Variants in VGLL4 observed in about 807,000 individuals in gnomAD.
VGLL4 encodes the protein transcription cofactor vestigial-like protein 4.
Under a neutral mutation model 21.0 loss-of-function variants are expected in VGLL4, and 7 were observed. The observed-to-expected ratio is 0.33, with a 90% CI of 0.19 to 0.63. The LOEUF is 0.63. Ranked by LOEUF, VGLL4 falls within the 20% of genes least tolerant of loss-of-function variation. VGLL4 has a pLI of 0.78. For synonymous variants in VGLL4, 222 were observed against 173.2 expected, an observed-to-expected ratio of 1.28 and a Z score of -2.21; for missense variants, 394 against 425.7, an observed-to-expected ratio of 0.93 and a Z score of 0.66.
rs1023512538 is a variant in VGLL4 at position 11,556,508 on chromosome 3, C to T, written c.*2048G>A. On this transcript the variant is annotated 3_prime_UTR_variant, in exon 5 of 5. Coordinates refer to ENST00000430365, the MANE Select transcript of VGLL4 (RefSeq NM_001128219.3). ...GTTTTCCTGTTACGACGCTCAGTAG[C>T]CTGTAGCAATAACAAACTCGTGGCT... 1 of 152,666 alleles carries T rather than the reference C, an allele frequency of 6.6e-6. No homozygotes were observed. Among genetic ancestry groups the T allele is most frequent in the South Asian group, 2.1e-4 (1 of 4,824 alleles). 9.5% of individuals were successfully genotyped at this position (152,666 alleles called of 1,614,324 possible).
chr3:11,624,432 C>T (rs1639983683), intron 1 of VGLL4, among the ~76,000 whole-genome samples: 1 of 152,192 alleles, frequency 6.6e-6, no homozygotes, highest in African/African-American at 2.4e-5. Flanking sequence ...TTAGGCCGTC[C>T]TGGTTACCTC....
intron 2 of VGLL4, among the ~76,000 whole-genome samples, chr3:11,590,897 A>G (rs2074479087): frequency 6.6e-6 from 1 of 152,184 alleles, no homozygotes; most frequent in Admixed American, 6.5e-5. Flanking sequence ...CAATAGCCAC[A>G]CCTAGCCAAA....
chr3:11,601,876 T>G lies in VGLL4; in HGVS notation c.229A>C (p.Asn77His), dbSNP rs2074806903. ...EPGDEDLDCD[N>H]DHVSKMSRIF... ...CGACTCATTTTGGAGACGTGGTCGT[T>G]GTCACAGTCTAGGTCCTCGTCACCT... The change falls in exon 2 of 5, where the codon AAC (asparagine) becomes CAC (histidine). Residue 77 changes from asparagine (N) to histidine (H), a missense_variant. Asn to His is a moderately conservative substitution (Grantham distance 68). Transcript: ENST00000430365. 3 of 1,613,734 alleles carry G rather than the reference T, an allele frequency of 1.9e-6. No homozygotes were observed. The highest frequency in any genetic ancestry group is 2.5e-6 in the Non-Finnish European group (3 of 1,179,878).
At chr3:11,604,097 G>C (rs1463435057) in intron 1 of VGLL4, among the ~76,000 whole-genome samples, 1 of 152,142 alleles carries the variant, frequency 6.6e-6, no homozygotes, top group East Asian at 1.9e-4. Flanking sequence ...TAACCCACGG[G>C]TGGGGGTGGG....
upstream of VGLL4, among the ~76,000 whole-genome samples, chr3:11,647,444 G>C (rs1030852483): frequency 6.6e-5 from 10 of 152,094 alleles, no homozygotes; most frequent in African/African-American, 2.4e-4. Context: ...AGGGTAAGTA[G>C]TCCTTATCCA....
chr3:11,654,492 G>A (rs908745190), intron 2 of VGLL4, among the ~76,000 whole-genome samples: 1 of 152,174 alleles, frequency 6.6e-6, no homozygotes, highest in Non-Finnish European at 1.5e-5. Flanking sequence ...CTAAAAATAA[G>A]GGGAGTTTTT....
chr3:11,665,137 G>A (rs1324292565), intron 2 of VGLL4, among the ~76,000 whole-genome samples: 5 of 104,550 alleles, frequency 4.8e-5, no homozygotes, highest in East Asian at 2.7e-4. Flanking sequence ...TTTTTGAGAC[G>A]GAGTCTCGCT....
chr3:11,646,152 T>C (rs1300557596), upstream of VGLL4, among the ~76,000 whole-genome samples: 3 of 152,202 alleles, frequency 2.0e-5, no homozygotes, highest in African/African-American at 4.8e-5. Context: ...TAATAAGCTA[T>C]AGTGAAAGAT....
chr3:11,698,715 G>A (rs2076638717), intron 2 of VGLL4, among the ~76,000 whole-genome samples: 1 of 152,092 alleles, frequency 6.6e-6, no homozygotes, highest in East Asian at 1.9e-4. Context: ...TCCCTTCCAG[G>A]CCATCCAGAT....
In VGLL4 at chr3:11,643,486, A is replaced by G; in HGVS notation, c.33T>C (p.Tyr11=). 6.2e-7 allele frequency: 1 copy of G among 1,613,988 alleles called. No homozygotes were observed. The highest frequency in any genetic ancestry group is 8.5e-7 in the Non-Finnish European group (1 of 1,179,892). Residue 11 remains tyrosine, a synonymous_variant, in exon 1 of 5, where the codon TAT becomes TAC. Transcript: ENST00000430365. The part of the protein sequence containing the change: MLFMKMDLLN[Y]QYLDKMNNNI... ...TGTTGTTCATCTTGTCCAAGTACTGATAGTTCAACAGGTCCATCTTCATAA... is the reference window on the plus strand; with the variant it reads ...TGTTGTTCATCTTGTCCAAGTACTGGTAGTTCAACAGGTCCATCTTCATAA...
At chr3:11,687,729 T>A (rs1479934646) in intron 2 of VGLL4, among the ~76,000 whole-genome samples, 1 of 152,106 alleles carries the variant, frequency 6.6e-6, no homozygotes, top group Non-Finnish European at 1.5e-5. Flanking sequence ...TCCTAGGAGG[T>A]TTTCCCCCAT....
chr3:11,638,696 G>A (rs931684901), intron 1 of VGLL4, among the ~76,000 whole-genome samples: 4 of 152,126 alleles, frequency 2.6e-5, no homozygotes, highest in Admixed American at 2.6e-4. Context: ...GCAGGGCTGG[G>A]GACCAGGAGA....
chr3:11,641,856 C>CG (rs1436861077), intron 1 of VGLL4, among the ~76,000 whole-genome samples: 4 of 152,078 alleles, frequency 2.6e-5, no homozygotes, highest in African/African-American at 9.7e-5. Context: ...CCTCACCAAT[C>CG]GGAGACAGGA....
At chr3:11,559,847 C>T (rs867526797) in intron 3 of VGLL4, among the ~76,000 whole-genome samples, 6 of 152,160 alleles carry the variant, frequency 3.9e-5, no homozygotes, top group African/African-American at 1.4e-4. Flanking sequence ...TCCACTGAGC[C>T]GCGGGTGTGC....
intron 3 of VGLL4, among the ~76,000 whole-genome samples, 164 bp from the exon 4 acceptor site, chr3:11,559,619 C>T (rs2072781659): frequency 6.6e-6 from 1 of 152,248 alleles, no homozygotes; most frequent in Non-Finnish European, 1.5e-5. Flanking sequence ...CACAGCCAAT[C>T]CACAGAGTGA....
chr3:11,663,954 T>C (rs948927163), intron 2 of VGLL4, among the ~76,000 whole-genome samples: 1 of 151,968 alleles, frequency 6.6e-6, no homozygotes, highest in East Asian at 1.9e-4. Flanking sequence ...TACAATGTAA[T>C]GTAAAAAGAA....
intron 1 of VGLL4, among the ~76,000 whole-genome samples, 197 bp downstream of exon 1, chr3:11,643,240 T>C (rs2075730271): frequency 6.6e-6 from 1 of 152,068 alleles, no homozygotes; most frequent in Non-Finnish European, 1.5e-5. Flanking sequence ...TGCCTCCCCG[T>C]CCAGCCCCCT....
intron 2 of VGLL4, among the ~76,000 whole-genome samples, chr3:11,682,404 CAAAAAAAAAA>C (rs34428676): frequency 6.4e-5 from 4 of 62,220 alleles, no homozygotes; most frequent in South Asian, 6.9e-4. Flanking sequence ...GACCCTGTCT[CAAAAAAAAAA>C]AAAAAAAAAA....
chr3:11,681,470 C>T (rs905014741), intron 2 of VGLL4, among the ~76,000 whole-genome samples: 2 of 152,196 alleles, frequency 1.3e-5, no homozygotes, highest in Non-Finnish European at 1.5e-5. Context: ...GTTGGGAGCC[C>T]GCTGTGATAC....
Sources: allele counts gnomAD v4.1 joint callset (sites outside exome capture counted in the v4.1 genomes callset), GRCh38; gene constraint gnomAD v4.1.1; transcripts MANE v1.5; gene names NCBI Gene and HGNC (gene_info 2026-07-23, HGNC 2026-07-21).